ABLIM1: variants seen among roughly 807,000 people sequenced by gnomAD.
The protein encoded by ABLIM1 is actin-binding LIM protein 1.
In ABLIM1, 40 loss-of-function variants were observed where a neutral mutation model predicts 107.0. The observed-to-expected ratio is 0.37, with a 90% confidence interval of 0.29 to 0.49. ABLIM1 has a LOEUF of 0.49. ABLIM1 is among the 20% of genes least tolerant of loss of function. ABLIM1 has a pLI of 0.97. For missense variants in ABLIM1, 857 were observed against 1,008.5 expected (o/e 0.85, Z 2.04); for synonymous variants, 357 against 357.3 (o/e 1.00, Z 0.01).
chr10:114,519,324 A>G (rs187041962), intron 6 of ABLIM1, among the ~76,000 whole-genome samples: 86 of 152,338 alleles, frequency 5.6e-4, no homozygotes, highest in African/African-American at 2.0e-3. Flanking sequence ...AGTCCTAAGC[A>G]GGTATCACCT....
At chr10:114,488,061 A>G (rs2058439666) in intron 7 of ABLIM1, 45 bp from the exon 8 acceptor site, 1 of 1,600,918 alleles carries the variant, frequency 6.2e-7, no homozygotes, top group Non-Finnish European at 8.6e-7. Context: ...AAATGGAAAG[A>G]TACAAAGTCC....
At chr10:114,438,434 A>C (rs2059732689) in intron 21 of ABLIM1, among the ~76,000 whole-genome samples, 2 of 151,810 alleles carry the variant, frequency 1.3e-5, no homozygotes, top group African/African-American at 4.8e-5. Context: ...AATTTTTTTT[A>C]AGTTTTAGTA....
At chr10:114,650,024 T>C (rs183887671) in intron 1 of ABLIM1, among the ~76,000 whole-genome samples, 1 of 152,138 alleles carries the variant, frequency 6.6e-6, no homozygotes, top group Non-Finnish European at 1.5e-5. Flanking sequence ...CCAGGCTAAT[T>C]TTTGTATTTT....
intron 14 of ABLIM1, among the ~76,000 whole-genome samples, chr10:114,451,211 T>C (rs1030532580): frequency 1.3e-5 from 2 of 152,222 alleles, no homozygotes; most frequent in African/African-American, 4.8e-5. Context: ...GCCAAGTTGA[T>C]GTAGGCTCAG....
At chr10:114,769,439 GAAAGAA>G (rs2082988635), upstream of ABLIM1, among the ~76,000 whole-genome samples, 3 of 30,754 alleles carry the variant, frequency 9.8e-5, no homozygotes, top group African/African-American at 3.0e-4. Flanking sequence ...AAGAAAGAAA[GAAAGAA>G]AGAAAGAAAG....
chr10:114,640,773 T>A (rs893278907), intron 1 of ABLIM1, among the ~76,000 whole-genome samples: 1 of 152,234 alleles, frequency 6.6e-6, no homozygotes, highest in Non-Finnish European at 1.5e-5. Flanking sequence ...TTAATTTTAC[T>A]TTATTTAGGA....
At chr10:114,549,967 A>C (rs374942108) in intron 4 of ABLIM1, among the ~76,000 whole-genome samples, 1 of 152,228 alleles carries the variant, frequency 6.6e-6, no homozygotes, top group Non-Finnish European at 1.5e-5. Context: ...AATTCTTAAG[A>C]AACTTCCCTC....
At chr10:114,778,568 GACAC>G in the ABLIM1 span, 7,269 of 131,356 alleles carry the variant, frequency 0.055, 163 homozygotes, top group African/African-American at 0.072. Context: ...TCATCATCCA[GACAC>G]ACACACACAC....
Position 114,444,144 on chromosome 10 carries a change from G to C in ABLIM1, c.1828-10C>G. 5.9e-5 allele frequency: 63 copies of C among 1,061,048 alleles called. No homozygotes were observed. Among genetic ancestry groups the C allele is most frequent in the Middle Eastern group, 2.5e-4 (1 of 4,032 alleles). 65.7% of individuals were successfully genotyped at this position (1,061,048 alleles called of 1,614,324 possible). Reference sequence around the variant, plus strand: ...CCAGGCCTGAGTTAAGCTATTCACAGAAAAAAGGAAAAAAAAAAAAAAAAG... The same window carrying C: ...CCAGGCCTGAGTTAAGCTATTCACACAAAAAAGGAAAAAAAAAAAAAAAAG... On this transcript the variant is annotated splice_polypyrimidine_tract_variant and intron_variant, in intron 16 of 22. Transcript: ENST00000533213.
At chr10:114,684,340 A>G in exon 1 of ABLIM1, 1 of 1,614,132 alleles carries the variant, frequency 6.2e-7, no homozygotes, top group Non-Finnish European at 8.5e-7. Context: ...AGTCATTTCC[A>G]AGGTCATTAA....
chr10:114,728,762 T>A (rs2082014359), intron 1 of ABLIM1, among the ~76,000 whole-genome samples: 1 of 152,038 alleles, frequency 6.6e-6, no homozygotes, highest in Non-Finnish European at 1.5e-5. Flanking sequence ...GCAGAGGAGA[T>A]TTAAGTGATC....
At chr10:114,598,320 G>T (rs909920445) in intron 2 of ABLIM1, among the ~76,000 whole-genome samples, 36 of 150,210 alleles carry the variant, frequency 2.4e-4, no homozygotes, top group Admixed American at 8.0e-4. Flanking sequence ...GGGTGCAGTG[G>T]TTCATGCCTG....
chr10:114,689,271 AT>A (rs760765655), upstream of ABLIM1, among the ~76,000 whole-genome samples: 1 of 152,054 alleles, frequency 6.6e-6, no homozygotes, highest in Admixed American at 6.5e-5. Flanking sequence ...TGTCTTCCAA[AT>A]CTGTAAAATG....
intron 2 of ABLIM1, among the ~76,000 whole-genome samples, chr10:114,578,523 C>T (rs2072927933): frequency 6.6e-6 from 1 of 151,830 alleles, no homozygotes; most frequent in Non-Finnish European, 1.5e-5. Flanking sequence ...TCTCCTGCCT[C>T]AGCCTCCCAA....
intron 1 of ABLIM1, among the ~76,000 whole-genome samples, chr10:114,703,572 G>A (rs1182290278): frequency 6.6e-6 from 1 of 152,124 alleles, no homozygotes. Context: ...CCAGTACAAG[G>A]TGCCCACCTC....
intron 4 of ABLIM1, among the ~76,000 whole-genome samples, chr10:114,553,097 G>A (rs539725272): frequency 1.6e-5 from 2 of 123,228 alleles, no homozygotes; most frequent in South Asian, 4.5e-4. Flanking sequence ...CCGCCTTCCT[G>A]GAATTCTCAT....
chr10:114,706,928 G>T (rs979669147), intron 1 of ABLIM1, among the ~76,000 whole-genome samples: 24 of 152,220 alleles, frequency 1.6e-4, no homozygotes, highest in African/African-American at 5.8e-4. Context: ...CTTACAGGGA[G>T]CCTGGAAGGC....
intron 1 of ABLIM1, among the ~76,000 whole-genome samples, chr10:114,642,285 A>T (rs1183832059): frequency 6.6e-6 from 1 of 152,182 alleles, no homozygotes; most frequent in East Asian, 1.9e-4. Flanking sequence ...AGTTAAGGAG[A>T]GTGAGCACAG....
chr10:114,716,175 T>C (rs1406344036), intron 1 of ABLIM1, among the ~76,000 whole-genome samples: 4 of 152,214 alleles, frequency 2.6e-5, no homozygotes, highest in Non-Finnish European at 5.9e-5. Context: ...TCTCAGACAA[T>C]GATCTGGAGT....
Sources: gnomAD v4.1 joint callset for allele counts (sites outside exome capture counted in the v4.1 genomes callset) on GRCh38, gnomAD v4.1.1 for gene constraint, MANE v1.5 for transcripts, NCBI Gene and HGNC (gene_info 2026-07-23, HGNC 2026-07-21) for gene names.